The following USP42 variants were observed in gnomAD, a reference collection of about 807,000 sequenced individuals.
The protein encoded by USP42 is ubiquitin specific peptidase 42, also known as ubiquitin carboxyl-terminal hydrolase 42.
Under a neutral mutation model 113.0 loss-of-function variants are expected in USP42, and 23 were observed. The ratio of observed to expected loss-of-function variants is 0.20; its 90% CI spans 0.15 to 0.29. The LOEUF (loss-of-function observed/expected upper bound fraction) is 0.29. Ranked by LOEUF, USP42 falls within the 10% of genes least tolerant of loss-of-function variation. USP42 has a pLI of 1.00. For synonymous variants in USP42, 933 were observed against 699.0 expected, an observed-to-expected ratio of 1.33 and a Z score of -5.28; for missense variants, 2,174 against 1,779.8, an observed-to-expected ratio of 1.22 and a Z score of -3.99.
At position 6,157,357 on chromosome 7, in the gene USP42, C is replaced by G; in HGVS notation, c.3943+302C>G. ...GCATCTGACTTTGCCTTGCAAAGGACCAGAACTCTTGGTTTGGTTTGGTTT... is the reference window on the plus strand; with the variant it reads ...GCATCTGACTTTGCCTTGCAAAGGAGCAGAACTCTTGGTTTGGTTTGGTTT... On this transcript the variant is annotated intron_variant, in intron 16 of 17. Coordinates refer to ENST00000306177, the MANE Select transcript of USP42 (RefSeq NM_032172.3). The surrounding 1 kb of genome is among the most constrained non-coding windows in gnomAD (Gnocchi z 4.1). 6 of 1,067,726 alleles carry G rather than the reference C, an allele frequency of 5.6e-6. No homozygotes were observed. Among genetic ancestry groups the G allele is most frequent in the Non-Finnish European group, 6.8e-6 (6 of 883,600 alleles). The allele number at this position is 1,067,726 out of a possible 1,614,324, so 66.1% of individuals were successfully genotyped here.
In USP42 at chr7:6,154,313, C is replaced by T. The variant is rs1322717906; in HGVS notation, c.2759C>T (p.Pro920Leu). Residue 920 changes from proline to leucine, a missense_variant, in exon 15 of 18, where the codon CCC becomes CTC. Transcript: ENST00000306177. ...GHPEGDAEPS[P>L]GERVEDAAAP... ...CCGGAAGGGGACGCTGAGCCTAGCCCCGGCGAGAGGGTCGAGGACGCCGCG... is the reference window on the plus strand; with the variant it reads ...CCGGAAGGGGACGCTGAGCCTAGCCTCGGCGAGAGGGTCGAGGACGCCGCG... 3 of 1,580,826 alleles carry T rather than the reference C, an allele frequency of 1.9e-6. No individual in the cohort carries two copies. The highest frequency in any genetic ancestry group is 1.7e-6 in the Non-Finnish European group (2 of 1,164,132).
At chr7:6,132,838 A>T (rs1414434009) in intron 3 of USP42, among the ~76,000 whole-genome samples, 1 of 151,798 alleles carries the variant, frequency 6.6e-6, no homozygotes, top group African/African-American at 2.4e-5. Flanking sequence ...CACCCGGCTA[A>T]TTTTTTTGTA....
intron 3 of USP42, among the ~76,000 whole-genome samples, chr7:6,125,751 CTTTTG>C (rs767962857): frequency 2.0e-5 from 3 of 149,244 alleles, no homozygotes; most frequent in South Asian, 2.1e-4. Flanking sequence ...TTTTTCCTTA[CTTTTG>C]TTTTGTTTTG....
At chr7:6,104,365 G>A (rs369623051), upstream of USP42, among the ~76,000 whole-genome samples, 229 of 152,302 alleles carry the variant, frequency 1.5e-3, 1 homozygote, top group Non-Finnish European at 2.5e-3. Flanking sequence ...TAAGGCGTGA[G>A]CCACCGCGCC....
At chr7:6,094,863 T>A in the USP42 span, among the ~76,000 whole-genome samples, 1 of 149,864 alleles carries the variant, frequency 6.7e-6, no homozygotes, top group Non-Finnish European at 1.5e-5. Context: ...TCTCGGCTCA[T>A]TGCAACCTCC....
At chr7:6,136,892 C>G (rs557041859) in intron 4 of USP42, among the ~76,000 whole-genome samples, 2 of 151,622 alleles carry the variant, frequency 1.3e-5, no homozygotes, top group African/African-American at 2.4e-5. Context: ...ATCCTCTTGC[C>G]CCAGTTGAGT....
chr7:6,154,392 A>G lies in USP42; in HGVS notation c.2838A>G (p.Arg946=), dbSNP rs1309076038. ...SPAKEKIGSL[R]KVDRGHYRSR... is the part of the protein sequence containing the mutation. ...CGAAGGAGAAAATCGGCAGCCTCAG[A>G]AAGGTGGACCGAGGCCACTACCGCA... The change falls in exon 15 of 18, where the codon AGA becomes AGG. Residue 946 remains arginine (R), a synonymous_variant. Coordinates refer to ENST00000306177, the MANE Select transcript of USP42 (RefSeq NM_032172.3). The G allele has an allele frequency of 5.1e-6, 8 of 1,577,190 alleles. No homozygotes were observed. In the South Asian group the frequency reaches 5.8e-5, roughly 11 times the overall value.
At chr7:6,082,068 ATATAC>A in the USP42 span, among the ~76,000 whole-genome samples, 3 of 151,974 alleles carry the variant, frequency 2.0e-5, no homozygotes, top group South Asian at 2.1e-4. Context: ...GTATGTGTAA[ATATAC>A]TATATATACA....
chr7:6,126,824 A>G (rs1475378883), intron 3 of USP42, among the ~76,000 whole-genome samples: 2 of 152,210 alleles, frequency 1.3e-5, no homozygotes, highest in East Asian at 1.9e-4. Flanking sequence ...TGGAGCTGCT[A>G]TAAACGTGAG....
intron 3 of USP42, among the ~76,000 whole-genome samples, chr7:6,131,931 G>A (rs1305776779): frequency 6.6e-6 from 1 of 152,136 alleles, no homozygotes; most frequent in African/African-American, 2.4e-5. Flanking sequence ...AGAATTCTAT[G>A]TTAACATTAT....
At chr7:6,141,564 AT>A (rs34431829) in intron 7 of USP42, among the ~76,000 whole-genome samples, 105 of 141,112 alleles carry the variant, frequency 7.4e-4, no homozygotes, top group Middle Eastern at 4.2e-3. Context: ...GGTTATTATT[AT>A]TTTTTTTTTT....
rs543448105 is a variant in USP42 at position 6,139,927 on chromosome 7, C to G, written c.657-201C>G. On this transcript the variant is annotated intron_variant, in intron 5 of 17. Coordinates refer to ENST00000306177, the MANE Select transcript of USP42 (RefSeq NM_032172.3). The surrounding 1 kb of genome is among the most constrained non-coding windows in gnomAD (Gnocchi z 4.5). ...CACAGCTCCCACAGCTCTGCGTCTCCTCCCGCCACTCCCAGACCTCCCTGT... is the reference window on the plus strand; with the variant it reads ...CACAGCTCCCACAGCTCTGCGTCTCGTCCCGCCACTCCCAGACCTCCCTGT... 93 of 607,696 alleles carry G rather than the reference C, an allele frequency of 1.5e-4. No individual in the cohort carries two copies. The highest frequency in any genetic ancestry group is 3.0e-4 in the Admixed American group (11 of 36,080). The allele number at this position is 607,696 out of a possible 1,614,324, so 37.6% of individuals were successfully genotyped here.
intron 3 of USP42, among the ~76,000 whole-genome samples, chr7:6,135,389 T>C (rs892888399): frequency 2.0e-5 from 3 of 152,082 alleles, no homozygotes; most frequent in African/African-American, 7.2e-5. Flanking sequence ...GGCTTACACC[T>C]ATAATCCCAG....
At chr7:6,081,966 T>C in the USP42 span, among the ~76,000 whole-genome samples, 4 of 152,226 alleles carry the variant, frequency 2.6e-5, no homozygotes, top group African/African-American at 7.2e-5. Flanking sequence ...AAATAACATA[T>C]TCTGTGAGAC....
rs770337843 is a variant in USP42, at chr7:6,153,644, TAA to T, written c.2202-110_2202-109del. On this transcript the variant is annotated intron_variant, in intron 14 of 17. Coordinates refer to ENST00000306177, the MANE Select transcript of USP42 (RefSeq NM_032172.3). ...AACTTAAAGTATAATAATAATAAAATAAAGAGACGAAATAGCAAATGAACGTT... is the reference window on the plus strand; with the variant it reads ...AACTTAAAGTATAATAATAATAAAATAGAGACGAAATAGCAAATGAACGTT... 668 of 1,280,268 alleles carry T rather than the reference TAA, an allele frequency of 5.2e-4. 3 individuals carry two copies. The highest frequency in any genetic ancestry group is 6.5e-4 in the Admixed American group (19 of 29,454). The allele number at this position is 1,280,268 out of a possible 1,614,324, so 79.3% of individuals were successfully genotyped here.
chr7:6,106,393 A>C (rs1377143240), intron 1 of USP42, among the ~76,000 whole-genome samples: 1 of 152,238 alleles, frequency 6.6e-6, no homozygotes, highest in East Asian at 1.9e-4. Context: ...ACAGTGTCTA[A>C]ATAGTGAAAC....
At chr7:6,099,852 A>T in the USP42 span, among the ~76,000 whole-genome samples, 1 of 150,598 alleles carries the variant, frequency 6.6e-6, no homozygotes, top group Non-Finnish European at 1.5e-5. Context: ...AATCCCAGCT[A>T]CCTGGGAGGC....
intron 1 of USP42, among the ~76,000 whole-genome samples, chr7:6,110,546 A>T (rs1386446989): frequency 6.6e-6 from 1 of 152,178 alleles, no homozygotes; most frequent in South Asian, 2.1e-4. Context: ...CATACATTCC[A>T]TATAAATGAG....
chr7:6,140,301 C>T, intron 6 of USP42, 106 bp downstream of exon 6: 8 of 1,007,864 alleles, frequency 7.9e-6, no homozygotes, highest in Non-Finnish European at 1.2e-5. Flanking sequence ...AAGTGCTTCT[C>T]TCCAGCCCAG....
Sources: gnomAD v4.1 joint callset for allele counts (sites outside exome capture counted in the v4.1 genomes callset) on GRCh38, gnomAD v4.1.1 for gene constraint, Gnocchi (gnomAD v3.1) non-coding constraint, MANE v1.5 for transcripts, NCBI Gene and HGNC (gene_info 2026-07-23, HGNC 2026-07-21) for gene names.